Variants in GNB1 observed in about 807,000 individuals in gnomAD.
GNB1 encodes G protein subunit beta 1.
In GNB1, 2 loss-of-function variants were observed where a neutral mutation model predicts 42.9. That is an observed-to-expected ratio of 0.05 (90% CI 0.02 to 0.15). GNB1 has a LOEUF of 0.15. Among genes scored for constraint, GNB1 ranks in the 10% least tolerant of loss-of-function variants. The probability of loss-of-function intolerance (pLI) is 1.00; values close to 1 mark genes in which losing one functional copy is unlikely to be tolerated. For synonymous variants in GNB1, 183 were observed against 174.7 expected (o/e 1.05, Z -0.38); for missense variants, 193 against 462.2 (o/e 0.42, Z 5.34).
chr1:1,848,357 CAAAAA>C (rs56979938), intron 1 of GNB1, among the ~76,000 whole-genome samples: 6 of 94,348 alleles, frequency 6.4e-5, no homozygotes, highest in Non-Finnish European at 8.5e-5. Context: ...CCAGCCCAGG[CAAAAA>C]AAAAAAAAAA....
rs1646420881 is a variant in GNB1 at position 1,787,411 on chromosome 1, C to T, written c.943G>A (p.Val315Ile). 3.1e-6 allele frequency: 5 copies of T among 1,613,212 alleles called. No individual in the cohort carries two copies. The highest frequency in any genetic ancestry group is 1.1e-5 in the South Asian group (1 of 91,014). ...TCGTCAGTCACGCCCAGGCAGCTGA[C>T]GCGGTTGTCATGCCCAGCCAAGACA... ...AGVLAGHDNR[V>I]SCLGVTDDGM... is the part of the protein sequence containing the mutation. Residue 315 changes from valine to isoleucine, a missense_variant, in exon 11 of 12, where the codon GTC becomes ATC. Around this residue, in one of 2 missense-constraint regions of GNB1, gnomAD observed 150 missense variants for 410.8 expected, o/e 0.37. Transcript: ENST00000378609. The surrounding 1 kb of genome is among the most constrained non-coding windows in gnomAD (Gnocchi z 4.4).
At chr1:1,818,031 A>C in intron 3 of GNB1, 156 bp from the exon 4 acceptor site, 1 of 611,416 alleles carries the variant, frequency 1.6e-6, no homozygotes, top group Non-Finnish European at 3.0e-6. Flanking sequence ...TCAACACCCC[A>C]TGGTCTACTA....
At chr1:1,885,029 T>C (rs764266508) in intron 1 of GNB1, among the ~76,000 whole-genome samples, 1 of 152,060 alleles carries the variant, frequency 6.6e-6, no homozygotes, top group Non-Finnish European at 1.5e-5. Flanking sequence ...TAAAGTCCTC[T>C]CTTGATATAA....
chr1:1,874,081 C>T (rs980659284), intron 1 of GNB1, among the ~76,000 whole-genome samples: 7 of 152,350 alleles, frequency 4.6e-5, no homozygotes, highest in African/African-American at 1.7e-4. Flanking sequence ...GTCAGTGGAA[C>T]AAATGCTGGC....
chr1:1,785,823 T>C lies in GNB1; in HGVS notation c.*1240A>G. 3.5e-6 allele frequency: 1 copy of C among 283,104 alleles called. No individual in the cohort carries two copies. The highest frequency in any genetic ancestry group is 6.5e-6 in the Non-Finnish European group (1 of 154,236). 17.5% of individuals were successfully genotyped at this position (283,104 alleles called of 1,614,324 possible). The stretch of plus-strand genomic sequence containing the variant: ...CAGAACTTTTTTTTTTTTAAAGAAA[T>C]AAAGAAAACAGTGACTTATCCCGCT... On this transcript the variant is annotated 3_prime_UTR_variant, in exon 12 of 12. Transcript: ENST00000378609.
rs1317476991 is a variant in GNB1 at position 1,787,754 on chromosome 1, A to T, written c.917-317T>A. 6.6e-6 allele frequency among the ~76,000 whole-genome samples: 1 copy of T among 152,202 alleles called. No homozygotes were observed. The highest frequency in any genetic ancestry group is 2.4e-5 in the African/African-American group (1 of 41,454). On this transcript the variant is annotated intron_variant, in intron 10 of 11. Coordinates refer to ENST00000378609, the MANE Select transcript of GNB1 (RefSeq NM_002074.5). This position sits in a 1 kb window ranked among gnomAD's most constrained non-coding sequence, Gnocchi z 4.4. Reference sequence around the variant, plus strand: ...TATCAAAAAAATCAAAACTATCATCAGACGCAGTGGCTTAGGCCTGTAATC... The same window carrying T: ...TATCAAAAAAATCAAAACTATCATCTGACGCAGTGGCTTAGGCCTGTAATC...
intron 1 of GNB1, among the ~76,000 whole-genome samples, chr1:1,856,978 A>G (rs942521806): frequency 1.3e-5 from 2 of 152,264 alleles, no homozygotes; most frequent in African/African-American, 4.8e-5. Flanking sequence ...TATGGAGAGC[A>G]TACTCTGATT....
intron 1 of GNB1, among the ~76,000 whole-genome samples, chr1:1,848,842 T>C (rs1255128427): frequency 1.3e-5 from 2 of 152,224 alleles, no homozygotes; most frequent in East Asian, 1.9e-4. Flanking sequence ...CACAACTGTC[T>C]AGCATTTTAC....
chr1:1,836,891 C>T (rs1020995685), intron 2 of GNB1, among the ~76,000 whole-genome samples: 2 of 136,680 alleles, frequency 1.5e-5, no homozygotes, highest in African/African-American at 2.7e-5. Context: ...AGACAGGGGT[C>T]TCACTTTATT....
chr1:1,883,449 G>A (rs1649968394), intron 1 of GNB1, among the ~76,000 whole-genome samples: 1 of 152,134 alleles, frequency 6.6e-6, no homozygotes, highest in African/African-American at 2.4e-5. Context: ...GAGAAAAAAA[G>A]AAAAATCTCA....
intron 7 of GNB1, among the ~76,000 whole-genome samples, chr1:1,800,818 G>A (rs544885935): frequency 6.1e-5 from 9 of 146,838 alleles, no homozygotes; most frequent in Admixed American, 3.4e-4. Flanking sequence ...TAGATATCCA[G>A]CAAAAATACC....
intron 2 of GNB1, among the ~76,000 whole-genome samples, chr1:1,835,135 G>A (rs1418802838): frequency 6.6e-6 from 1 of 152,176 alleles, no homozygotes; most frequent in South Asian, 2.1e-4. Flanking sequence ...GGGCGGTGGG[G>A]GTTAGAATTC....
intron 7 of GNB1, among the ~76,000 whole-genome samples, chr1:1,800,970 G>C (rs1465095199): frequency 6.6e-6 from 1 of 152,242 alleles, no homozygotes; most frequent in East Asian, 1.9e-4. Context: ...AGGCGCCTTT[G>C]CAGGAGAGCG....
chr1:1,822,483 AT>A (rs1053886408), intron 3 of GNB1, among the ~76,000 whole-genome samples: 14 of 150,128 alleles, frequency 9.3e-5, no homozygotes, highest in Non-Finnish European at 8.9e-5. Flanking sequence ...TTTTTTTTGT[AT>A]TTTTTTTCTT....
At chr1:1,813,677 G>A (rs1479147195) in intron 5 of GNB1, among the ~76,000 whole-genome samples, 1 of 152,070 alleles carries the variant, frequency 6.6e-6, no homozygotes, top group Non-Finnish European at 1.5e-5. Context: ...TTTTTGTAGA[G>A]AAGGGGTCTC....
At chr1:1,852,939 G>A (rs1648071115) in intron 1 of GNB1, among the ~76,000 whole-genome samples, 1 of 152,082 alleles carries the variant, frequency 6.6e-6, no homozygotes. Context: ...ATGTACCCCA[G>A]TTCCTAGAAA....
In GNB1 at chr1:1,882,163, T is replaced by C. The variant is rs185173647; in HGVS notation, c.-96+8657A>G. 1.7e-3 allele frequency among the ~76,000 whole-genome samples: 256 copies of C among 152,268 alleles called. 4 individuals carry two copies. The highest frequency in any genetic ancestry group is 0.015 in the Admixed American group (222 of 15,282). On this transcript the variant is annotated intron_variant, in intron 1 of 11. Transcript: ENST00000378609. The stretch of plus-strand genomic sequence containing the variant: ...CCTCAGCACCCAGTAAGGTGCTAAA[T>C]TGGGGCCAGGCACAGTGGCTCACGC...
intron 1 of GNB1, among the ~76,000 whole-genome samples, chr1:1,873,439 C>G (rs1649359077): frequency 6.6e-6 from 1 of 152,240 alleles, no homozygotes; most frequent in Admixed American, 6.5e-5. Context: ...TACCTGCCAA[C>G]TGTTAATTGC....
chr1:1,815,968 C>T (rs1646849197), intron 4 of GNB1, 106 bp from the exon 5 acceptor site: 1 of 694,338 alleles, frequency 1.4e-6, no homozygotes, highest in Admixed American at 2.1e-5. Flanking sequence ...CCTACCTCTT[C>T]CCAGCCCTTC....
Sources: gnomAD v4.1 joint callset for allele counts (sites outside exome capture counted in the v4.1 genomes callset) on GRCh38, gnomAD v4.1.1 for gene constraint, gnomAD v4.1.1 regional missense constraint, Gnocchi (gnomAD v3.1) non-coding constraint, MANE v1.5 for transcripts, NCBI Gene and HGNC (gene_info 2026-07-23, HGNC 2026-07-21) for gene names.